Variants in PTK2 observed in about 807,000 individuals in gnomAD.
The protein encoded by PTK2 is protein tyrosine kinase 2.
Under a neutral mutation model 150.1 loss-of-function variants are expected in PTK2, and 45 were observed. That is an observed-to-expected ratio of 0.30 (90% CI 0.24 to 0.38). PTK2 has a LOEUF of 0.38. Among genes scored for constraint, PTK2 ranks in the 10% least tolerant of loss-of-function variants. PTK2 has a pLI of 1.00. For synonymous variants in PTK2, 432 were observed against 449.2 expected (o/e 0.96, Z 0.48); for missense variants, 919 against 1,307.3 (o/e 0.70, Z 4.58).
At chr8:140,764,684 T>C (rs1227357101) in intron 14 of PTK2, among the ~76,000 whole-genome samples, 1 of 152,222 alleles carries the variant, frequency 6.6e-6, no homozygotes, top group Admixed American at 6.5e-5. Flanking sequence ...GACTGGTATC[T>C]ATAAAACACG....
intron 1 of PTK2, among the ~76,000 whole-genome samples, chr8:140,991,266 T>A (rs1190243918): frequency 6.6e-6 from 1 of 152,182 alleles, no homozygotes; most frequent in African/African-American, 2.4e-5. Context: ...CTGACCCTGT[T>A]ATTATATGCT....
At chr8:140,728,588 G>A (rs1303418059) in intron 22 of PTK2, among the ~76,000 whole-genome samples, 4 of 152,026 alleles carry the variant, frequency 2.6e-5, no homozygotes, top group Non-Finnish European at 4.4e-5. Context: ...GCACGATCTC[G>A]GCTCACTGCA....
chr8:140,880,462 G>C (rs2100148533), intron 3 of PTK2, among the ~76,000 whole-genome samples: 1 of 152,162 alleles, frequency 6.6e-6, no homozygotes, highest in African/African-American at 2.4e-5. Context: ...GACTCATTTG[G>C]GAACATGACA....
intron 5 of PTK2, among the ~76,000 whole-genome samples, chr8:140,858,511 A>C (rs1291219650): frequency 1.3e-5 from 2 of 152,082 alleles, no homozygotes; most frequent in Non-Finnish European, 2.9e-5. Context: ...AGAAAAAAGG[A>C]TCTTCAAGCC....
intron 1 of PTK2, among the ~76,000 whole-genome samples, chr8:140,974,194 C>T (rs571640562): frequency 6.6e-6 from 1 of 152,170 alleles, no homozygotes; most frequent in Non-Finnish European, 1.5e-5. Context: ...TGCTCGGCGG[C>T]CACCCTGCTT....
At chr8:140,669,908 G>A (rs2094613950) in intron 29 of PTK2, 173 bp from the exon 33 acceptor site, 1 of 716,446 alleles carries the variant, frequency 1.4e-6, no homozygotes, top group African/African-American at 1.8e-5. Context: ...TGTTGCCAGG[G>A]TGTGGCTACT....
At chr8:140,765,751 G>GT (rs932482711) in intron 14 of PTK2, among the ~76,000 whole-genome samples, 1 of 152,122 alleles carries the variant, frequency 6.6e-6, no homozygotes, top group Non-Finnish European at 1.5e-5. Context: ...CTGCTTCTGT[G>GT]TAAGATGGCT....
intron 1 of PTK2, among the ~76,000 whole-genome samples, chr8:140,996,756 A>G (rs2100197937): frequency 6.6e-6 from 1 of 152,234 alleles, no homozygotes; most frequent in South Asian, 2.1e-4. Context: ...TTCCTATCAA[A>G]ATATTACTGT....
intron 2 of PTK2, among the ~76,000 whole-genome samples, chr8:140,916,370 T>C (rs2100165281): frequency 6.6e-6 from 1 of 152,210 alleles, no homozygotes; most frequent in African/African-American, 2.4e-5. Flanking sequence ...CATAACCCCG[T>C]ATTCACTCTG....
intron 29 of PTK2, among the ~76,000 whole-genome samples, chr8:140,670,822 C>CA (rs1400677605): frequency 6.6e-6 from 1 of 152,116 alleles, no homozygotes; most frequent in East Asian, 1.9e-4. Flanking sequence ...AGGAGGGGGC[C>CA]ACAGGGTGTT....
intron 1 of PTK2, among the ~76,000 whole-genome samples, chr8:140,942,645 T>TGC (rs376862686): frequency 1.3e-5 from 2 of 151,502 alleles, no homozygotes; most frequent in African/African-American, 4.8e-5. Flanking sequence ...TGTGTGTGTG[T>TGC]GCGCGCATAT....
chr8:140,913,376 A>T (rs2100163997), intron 2 of PTK2, among the ~76,000 whole-genome samples: 1 of 151,050 alleles, frequency 6.6e-6, no homozygotes, highest in Non-Finnish European at 1.5e-5. Context: ...GCTCATTGCA[A>T]CCTCAACCTC....
rs1337118338 is a variant in PTK2, at chr8:140,990,418, C to A, written c.-122+10707G>T. The stretch of plus-strand genomic sequence containing the variant: ...CCTGGCTAATTATTATTATTATATT[C>A]TTTGGGAGAGACAAGATCTCACCAT... On this transcript the variant is annotated intron_variant, in intron 1 of 31. Transcript: ENST00000522684. Among the ~76,000 whole-genome samples the A allele has an allele frequency of 2.6e-5, 4 of 151,778 alleles. No homozygotes were observed. The East Asian group carries it at 7.7e-4, about 29-fold the overall frequency.
chr8:140,720,744 T>C (rs1565059574), intron 22 of PTK2, among the ~76,000 whole-genome samples: 1 of 151,930 alleles, frequency 6.6e-6, no homozygotes, highest in Non-Finnish European at 1.5e-5. Flanking sequence ...GAGCTCTAAG[T>C]CTTTTTCTTT....
chr8:140,901,735 T>C (rs11985348), intron 2 of PTK2, among the ~76,000 whole-genome samples: 1,518 of 151,316 alleles, frequency 0.01, 21 homozygotes, highest in African/African-American at 0.035. Flanking sequence ...ACACATGCCA[T>C]GGTGGTTTGC....
At chr8:140,667,842 A>G (rs2093269227) in intron 30 of PTK2, among the ~76,000 whole-genome samples, 2 of 152,200 alleles carry the variant, frequency 1.3e-5, no homozygotes, top group Admixed American at 1.3e-4. Context: ...TCTGAATTTG[A>G]TAATGATCAT....
intron 1 of PTK2, among the ~76,000 whole-genome samples, chr8:140,978,475 G>A (rs563246550): frequency 2.6e-5 from 4 of 152,306 alleles, no homozygotes; most frequent in Admixed American, 2.6e-4. Context: ...CTTCTCAAAA[G>A]AAGACATTTA....
intron 26 of PTK2, among the ~76,000 whole-genome samples, chr8:140,694,141 C>T (rs959309504): frequency 1.6e-4 from 24 of 151,202 alleles, no homozygotes; most frequent in African/African-American, 2.4e-4. Flanking sequence ...CCTGGGTTCA[C>T]GCCATTCTCC....
chr8:140,673,090 A>G (rs1043955198), intron 29 of PTK2, among the ~76,000 whole-genome samples: 1 of 151,484 alleles, frequency 6.6e-6, no homozygotes, highest in Non-Finnish European at 1.5e-5. Flanking sequence ...GATGTCTTCC[A>G]CTATAAGATG....
Sources: gnomAD v4.1 joint callset for allele counts (sites outside exome capture counted in the v4.1 genomes callset) on GRCh38, gnomAD v4.1.1 for gene constraint, MANE v1.5 for transcripts, NCBI Gene and HGNC (gene_info 2026-07-23, HGNC 2026-07-21) for gene names.